PCIF1: variants seen among roughly 807,000 people sequenced by gnomAD.
PCIF1 encodes the protein mRNA (2'-O-methyladenosine-N(6)-)-methyltransferase.
A neutral mutation model predicts 86.9 loss-of-function variants in PCIF1; 12 were observed. The ratio of observed to expected loss-of-function variants is 0.14; its 90% confidence interval spans 0.09 to 0.22. The LOEUF (loss-of-function observed/expected upper bound fraction) is 0.22, where lower values mean the gene tolerates loss of function less well. Among genes scored for constraint, PCIF1 ranks in the 10% least tolerant of loss-of-function variants. The pLI, the probability that PCIF1 is intolerant of heterozygous loss-of-function variation, is 1.00. For missense variants in PCIF1, 701 were observed against 951.1 expected (o/e 0.74, Z 3.46); for synonymous variants, 397 against 372.0 (o/e 1.07, Z -0.77).
chr20:45,940,740 G>A (rs1027983350), intron 5 of PCIF1, 69 bp from the exon 6 acceptor site: 1 of 1,591,332 alleles, frequency 6.3e-7, no homozygotes. Context: ...TTCACCAGGT[G>A]TGCACTGTAT....
chr20:45,941,053 G>A lies in PCIF1; in HGVS notation c.519G>A (p.Glu173=), dbSNP rs373320903. 1 of 1,614,042 alleles carries A rather than the reference G, an allele frequency of 6.2e-7. No homozygotes were observed. Among genetic ancestry groups the A allele is most frequent in the Non-Finnish European group, 8.5e-7 (1 of 1,180,030 alleles). The change falls in exon 7 of 17, where the codon GAG becomes GAA. Residue 173 remains glutamate, a splice_region_variant and synonymous_variant. Coordinates refer to ENST00000372409, the MANE Select transcript of PCIF1 (RefSeq NM_022104.4). The part of the protein sequence containing the change: ...KQQAALLRPT[E]VYWDLDIQTN... ...TCATCACTCCTCTCTGTGCCCCAAG[G>A]GTCTACTGGGACCTGGACATCCAGA...
intron 1 of PCIF1, among the ~76,000 whole-genome samples, 196 bp from the exon 2 acceptor site, chr20:45,937,222 A>C (rs1257379199): frequency 6.6e-6 from 1 of 152,246 alleles, no homozygotes; most frequent in African/African-American, 2.4e-5. Flanking sequence ...GCAGCCGTGC[A>C]GGTCACATGC....
At position 45,940,531 on chromosome 20, in the gene PCIF1, A is replaced by T. The variant is rs976362831; in HGVS notation, c.306A>T (p.Glu102Asp). ...TGCCCCAAGACTCAAGCTTGGTGGA[A>T]ACTCCCCCGGCTGAGAACAAGCCCA... ...TPLPQDSSLV[E>D]TPPAENKPRK... is the part of the protein sequence containing the mutation. Residue 102 changes from glutamate to aspartate, a missense_variant, in exon 5 of 17, where the codon GAA (glutamate) becomes GAT (aspartate). By Grantham distance (45) the Glu-to-Asp change is conservative. Coordinates refer to ENST00000372409, the MANE Select transcript of PCIF1 (RefSeq NM_022104.4). 7 of 1,608,258 alleles carry T rather than the reference A, an allele frequency of 4.4e-6. No individual in the cohort carries two copies. The highest frequency in any genetic ancestry group is 5.9e-6 in the Non-Finnish European group (7 of 1,177,316).
rs375678525 is a variant in PCIF1, at chr20:45,945,895, G to A, written c.1341+12G>A. ...ACTTCAGCAAGCTGGTAAGAGCTGC[G>A]GGGAGGAAGGCCCTAGCTGATGGCA... On this transcript the variant is annotated intron_variant, in intron 12 of 16. Coordinates refer to ENST00000372409, the MANE Select transcript of PCIF1 (RefSeq NM_022104.4). The A allele has an allele frequency of 1.4e-5, 22 of 1,613,542 alleles. No homozygotes were observed. In the African/African-American group the frequency reaches 2.3e-4, roughly 17 times the overall value.
At chr20:45,944,787 C>G in intron 10 of PCIF1, 81 bp from the exon 11 acceptor site, 1 of 1,481,606 alleles carries the variant, frequency 6.7e-7, no homozygotes, top group Non-Finnish European at 9.1e-7. Flanking sequence ...TGCTGGACTC[C>G]AACAGCCCTG....
chr20:45,947,269 C>G lies in PCIF1; in HGVS notation c.1714C>G (p.Leu572Val), dbSNP rs753688640. 1 of 1,611,966 alleles carries G rather than the reference C, an allele frequency of 6.2e-7. No individual in the cohort carries two copies. Among genetic ancestry groups the G allele is most frequent in the Non-Finnish European group, 8.5e-7 (1 of 1,178,500 alleles). Residue 572 changes from leucine to valine, a missense_variant, in exon 16 of 17, where the codon CTT (leucine) becomes GTT (valine). Physicochemically the swap from Leu to Val is conservative, Grantham distance 32 (BLOSUM62 1). Transcript: ENST00000372409. This position sits in a 1 kb window ranked among gnomAD's most constrained non-coding sequence, Gnocchi z 5.4. ...DAMVSHFERL[L>V]ESSPEPLSFI... ...CCTGTGTCCCCTTCCACAGAGACTG[C>G]TTGAGAGCTCACCGGAGCCCCTGTC...
In PCIF1 at chr20:45,936,238, G is replaced by A. The variant is rs574074972; in HGVS notation, c.-187-1180G>A. ...CGCCTGGGCTGGAGTGCAGTGGCGC[G>A]ATCTCAGCTCACTGCAACCTCCGCC... On this transcript the variant is annotated intron_variant, in intron 1 of 16. Transcript: ENST00000372409. Among the ~76,000 whole-genome samples, 660 of 151,950 alleles carry A rather than the reference G, an allele frequency of 4.3e-3. 4 individuals are homozygous for A. The highest frequency in any genetic ancestry group is 0.01 in the Middle Eastern group (3 of 292).
chr20:45,947,430 C>G lies in PCIF1; in HGVS notation c.1875C>G (p.Ile625Met), dbSNP rs1243098750. The G allele has an allele frequency of 6.2e-7, 1 of 1,613,906 alleles. No homozygotes were observed. The highest frequency in any genetic ancestry group is 1.1e-5 in the South Asian group (1 of 91,088). ...EHEYRSGSQH[I>M]CKKEEMHYKA... ...AGTACCGCAGTGGCTCCCAGCACAT[C>G]TGCAAGAAGTGGGTGCCAGGGAGGG... Residue 625 changes from isoleucine to methionine, a missense_variant, in exon 16 of 17, where the codon ATC becomes ATG. Transcript: ENST00000372409. The surrounding 1 kb of genome is among the most constrained non-coding windows in gnomAD (Gnocchi z 5.4).
intron 7 of PCIF1, 31 bp downstream of exon 7, chr20:45,941,238 T>C (rs778540169): frequency 6.4e-7 from 1 of 1,562,858 alleles, no homozygotes; most frequent in South Asian, 1.2e-5. Context: ...GCCTCCTTTA[T>C]TTCCACCCAC....
chr20:45,944,928 T>C lies in PCIF1; in HGVS notation c.1066T>C (p.Ser356Pro). The C allele has an allele frequency of 6.2e-7, 1 of 1,614,154 alleles. No individual in the cohort carries two copies. Among genetic ancestry groups the C allele is most frequent in the Non-Finnish European group, 8.5e-7 (1 of 1,180,006 alleles). ...GPHVSAAAKDSVEGICSKIYH... is the reference protein window; with the variant it reads ...GPHVSAAAKDPVEGICSKIYH... ...CCACGTCTCGGCCGCAGCCAAGGAC[T>C]CCGTGGAAGGCATCTGCAGTAAGAT... Residue 356 changes from serine (S) to proline (P), a missense_variant, in exon 11 of 17, where the codon TCC becomes CCC. Around this residue, in one of 7 missense-constraint regions of PCIF1, gnomAD observed 129 missense variants for 245.9 expected, o/e 0.52. Transcript: ENST00000372409.
In PCIF1 at chr20:45,939,205, C is replaced by G; in HGVS notation, c.125-10C>G. On this transcript the variant is annotated splice_polypyrimidine_tract_variant and intron_variant, in intron 3 of 16. Transcript: ENST00000372409. ...TCCTGACCCTGGCTGGGCTCCGTGCCTGTTTGCAGAGGAGCTGGTGCATGC... is the reference window on the plus strand; with the variant it reads ...TCCTGACCCTGGCTGGGCTCCGTGCGTGTTTGCAGAGGAGCTGGTGCATGC... 3 of 1,614,002 alleles carry G rather than the reference C, an allele frequency of 1.9e-6. No individual in the cohort carries two copies. Among genetic ancestry groups the G allele is most frequent in the Non-Finnish European group, 2.5e-6 (3 of 1,180,010 alleles).
chr20:45,944,847 G>C, intron 10 of PCIF1, 21 bp from the exon 11 acceptor site: 1 of 1,604,814 alleles, frequency 6.2e-7, no homozygotes, highest in Non-Finnish European at 8.5e-7. Flanking sequence ...CTAGCGCCCT[G>C]ATCCAGAATG....
chr20:45,937,531 G>A lies in PCIF1; in HGVS notation c.-74G>A, dbSNP rs2083436913. 5.0e-6 allele frequency: 2 copies of A among 398,998 alleles called. No homozygotes were observed. The highest frequency in any genetic ancestry group is 8.8e-6 in the Non-Finnish European group (2 of 226,110). 24.7% of individuals were successfully genotyped at this position (398,998 alleles called of 1,614,324 possible). On this transcript the variant is annotated 5_prime_UTR_variant, in exon 2 of 17. Transcript: ENST00000372409. Reference sequence around the variant, plus strand: ...CTTGCCTCTGTGGGACCCTGTGGGGGTCCATCCGGCTGGAGAAGAAAAGCC... The same window carrying A: ...CTTGCCTCTGTGGGACCCTGTGGGGATCCATCCGGCTGGAGAAGAAAAGCC...
intron 11 of PCIF1, 27 bp from the exon 12 acceptor site, chr20:45,945,684 G>A: frequency 1.2e-6 from 2 of 1,606,598 alleles, no homozygotes; most frequent in South Asian, 1.1e-5. Context: ...GAGGAGTGTG[G>A]TCCCTCACTG....
chr20:45,947,037 C>T lies in PCIF1; in HGVS notation c.1614-36C>T. On this transcript the variant is annotated intron_variant, in intron 14 of 16. Coordinates refer to ENST00000372409, the MANE Select transcript of PCIF1 (RefSeq NM_022104.4). The surrounding 1 kb of genome is among the most constrained non-coding windows in gnomAD (Gnocchi z 5.4). The stretch of plus-strand genomic sequence containing the variant: ...CCTGTTTCTGGTTGAGGGACTGGGT[C>T]CTGATGGGACTTAGAATGCTCACTC... 1 of 1,555,404 alleles carries T rather than the reference C, an allele frequency of 6.4e-7. No individual in the cohort carries two copies. Among genetic ancestry groups the T allele is most frequent in the Non-Finnish European group, 8.8e-7 (1 of 1,137,030 alleles).
chr20:45,939,027 C>G lies in PCIF1; in HGVS notation c.28C>G (p.Arg10Gly), dbSNP rs530025799. 22 of 1,613,866 alleles carry G rather than the reference C, an allele frequency of 1.4e-5. No homozygotes were observed. The highest frequency in any genetic ancestry group is 7.7e-5 in the South Asian group (7 of 91,072). The change falls in exon 3 of 17, where the codon CGG becomes GGG. Residue 10 changes from arginine to glycine, a missense_variant. Coordinates refer to ENST00000372409, the MANE Select transcript of PCIF1 (RefSeq NM_022104.4). MANENHGSP[R>G]EEASLLSHSP... is the part of the protein sequence containing the mutation. ...GGCCAATGAGAATCACGGCAGCCCC[C>G]GGGAGGAAGCGTCCCTGCTGAGTCA...
intron 1 of PCIF1, among the ~76,000 whole-genome samples, chr20:45,936,337 GC>G (rs2083425608): frequency 9.1e-6 from 1 of 110,474 alleles, no homozygotes; most frequent in African/African-American, 3.5e-5. Context: ...ACCACGCCGG[GC>G]TAATTTTTTT....
intron 5 of PCIF1, 61 bp downstream of exon 5, chr20:45,940,673 G>C (rs2083461930): frequency 1.9e-6 from 3 of 1,575,678 alleles, no homozygotes; most frequent in Non-Finnish European, 2.6e-6. Flanking sequence ...CCGCCTGCAG[G>C]CTCCCTGCAG....
chr20:45,945,784 G>A lies in PCIF1; in HGVS notation c.1242G>A (p.Pro414=), dbSNP rs760758439. The change falls in exon 12 of 17, where the codon CCG becomes CCA. Residue 414 remains proline, a synonymous_variant. Transcript: ENST00000372409. ...CYPVRLAVSA[P]PMPSVEMHME... ...CAGTCCGGCTGGCTGTGTCTGCACC[G>A]CCCATGCCCAGCGTGGAGATGCACA... The A allele has an allele frequency of 2.2e-5, 35 of 1,613,796 alleles. No individual in the cohort carries two copies. Among genetic ancestry groups the A allele is most frequent in the Non-Finnish European group, 2.8e-5 (33 of 1,180,052 alleles).
Sources: allele counts gnomAD v4.1 joint callset (sites outside exome capture counted in the v4.1 genomes callset), GRCh38; gene constraint gnomAD v4.1.1; regional missense constraint gnomAD v4.1.1; non-coding constraint Gnocchi (gnomAD v3.1); transcripts MANE v1.5; gene names NCBI Gene and HGNC (gene_info 2026-07-23, HGNC 2026-07-21).